The following SLC13A2 variants were observed in gnomAD, a reference collection of about 807,000 sequenced individuals.
SLC13A2 encodes solute carrier family 13 member 2.
Under a neutral mutation model 58.5 loss-of-function variants are expected in SLC13A2, and 40 were observed. That is an observed-to-expected ratio of 0.68 (90% CI 0.53 to 0.89). The LOEUF (loss-of-function observed/expected upper bound fraction) is 0.89, where lower values mean the gene tolerates loss of function less well. Among genes scored for constraint, SLC13A2 ranks in the 40% least tolerant of loss-of-function variants. The pLI, the probability that SLC13A2 is intolerant of heterozygous loss-of-function variation, is 0.00. For missense variants in SLC13A2, 694 were observed against 772.6 expected, an observed-to-expected ratio of 0.90 and a Z score of 1.21; for synonymous variants, 341 against 331.6, an observed-to-expected ratio of 1.03 and a Z score of -0.31.
In SLC13A2 at chr17:28,496,962, G is replaced by T; in HGVS notation, c.1609-137G>T. On this transcript the variant is annotated intron_variant, in intron 11 of 11. Transcript: ENST00000314669. The surrounding 1 kb of genome is among the most constrained non-coding windows in gnomAD (Gnocchi z 4.2). ...AAGGGGCAAAGGCATTGGCTATGCT[G>T]CAGGTTAGACCAACGGGAGGACTTC... The T allele has an allele frequency of 1.2e-6, 1 of 847,084 alleles. No individual in the cohort carries two copies. The allele number at this position is 847,084 out of a possible 1,614,324, so 52.5% of individuals were successfully genotyped here. A position where few individuals can be genotyped will look rare whatever the true frequency, so the allele number is the denominator to read the frequency against.
At chr17:28,475,038 A>C (rs2068647519) in intron 1 of SLC13A2, among the ~76,000 whole-genome samples, 2 of 152,218 alleles carry the variant, frequency 1.3e-5, no homozygotes, top group Non-Finnish European at 2.9e-5. Context: ...CCTTCATCTC[A>C]GGCCAAAGCC....
intron 1 of SLC13A2, among the ~76,000 whole-genome samples, chr17:28,479,921 G>A (rs377356703): frequency 1.3e-5 from 2 of 152,148 alleles, no homozygotes; most frequent in Non-Finnish European, 2.9e-5. Flanking sequence ...TTGGGAGGCC[G>A]AGGCAGGTGG....
chr17:28,489,093 T>C, intron 1 of SLC13A2, 121 bp from the exon 2 acceptor site: 5 of 1,142,870 alleles, frequency 4.4e-6, no homozygotes, highest in Non-Finnish European at 6.2e-6. Flanking sequence ...TCAATGACTG[T>C]GGGTTTCACA....
intron 1 of SLC13A2, among the ~76,000 whole-genome samples, chr17:28,488,873 C>A (rs549750614): frequency 6.6e-6 from 1 of 152,226 alleles, no homozygotes; most frequent in Non-Finnish European, 1.5e-5. Context: ...AGGTCCTGCT[C>A]CTTCTTCTGG....
At chr17:28,477,244 A>C (rs1199521502) in intron 1 of SLC13A2, among the ~76,000 whole-genome samples, 3 of 124,760 alleles carry the variant, frequency 2.4e-5, no homozygotes, top group South Asian at 2.9e-4. Context: ...CCCAGGCTGG[A>C]GTGCAGTGGC....
chr17:28,487,385 T>C (rs527903734), intron 1 of SLC13A2: 118 of 261,762 alleles, frequency 4.5e-4, no homozygotes, highest in Middle Eastern at 1.9e-3. Flanking sequence ...ATTTTTGAAA[T>C]GTATTTACTC....
At chr17:28,474,526 C>T (rs1555599559) in intron 1 of SLC13A2, among the ~76,000 whole-genome samples, 1 of 152,084 alleles carries the variant, frequency 6.6e-6, no homozygotes, top group Non-Finnish European at 1.5e-5. Flanking sequence ...TTTCCACCAT[C>T]TTAAGAGGTC....
chr17:28,477,193 GTT>G (rs1300546466), intron 1 of SLC13A2, among the ~76,000 whole-genome samples: 4 of 58,458 alleles, frequency 6.8e-5, no homozygotes, highest in Admixed American at 3.0e-4. Flanking sequence ...CAAGTTTTTT[GTT>G]TTTTTTTTTT....
intron 2 of SLC13A2, 151 bp downstream of exon 2, chr17:28,489,493 A>G: frequency 1.1e-6 from 1 of 917,630 alleles, no homozygotes. Flanking sequence ...AGTCAGCTAG[A>G]AGGCTGCGGG....
Position 28,495,764 on chromosome 17 carries a change from G to A in SLC13A2, c.1418G>A (p.Cys473Tyr). ...CTCCTGGTGGCCACCTTCACCGAGT[G>A]CACTAGCAACGTGGCCACCACTACG... ...LSLLVATFTE[C>Y]TSNVATTTIF... Residue 473 changes from cysteine (C) to tyrosine (Y), a missense_variant, in exon 10 of 12, where the codon TGC becomes TAC. Cys to Tyr is a radical substitution (Grantham distance 194). Transcript: ENST00000314669. 1 of 1,613,344 alleles carries A rather than the reference G, an allele frequency of 6.2e-7. No homozygotes were observed. The highest frequency in any genetic ancestry group is 1.1e-5 in the South Asian group (1 of 91,060).
chr17:28,493,853 G>A (rs1555604078), intron 7 of SLC13A2, 64 bp downstream of exon 7: 5 of 1,571,362 alleles, frequency 3.2e-6, no homozygotes, highest in Non-Finnish European at 4.4e-6. Context: ...AAGGAGGGAA[G>A]GGTATAGGGC....
Position 28,496,578 on chromosome 17 carries a change from G to T in SLC13A2, c.1599G>T (p.Val533=), listed in dbSNP as rs782766787. The T allele has an allele frequency of 6.2e-7, 1 of 1,612,236 alleles. No homozygotes were observed. ...AIVFSFGDLK[V]LDMARAGFLL... is the part of the protein sequence containing the mutation. The stretch of plus-strand genomic sequence containing the variant: ...TCTTCTCTTTCGGGGACCTCAAAGT[G>T]TTGGATATGGTAAGTGGCAGGGAGG... The change falls in exon 11 of 12, where the codon GTG becomes GTT. Residue 533 remains valine (V), a synonymous_variant. Transcript: ENST00000314669. The surrounding 1 kb of genome is among the most constrained non-coding windows in gnomAD (Gnocchi z 4.2).
chr17:28,494,027 G>A lies in SLC13A2; in HGVS notation c.1108G>A (p.Asp370Asn), dbSNP rs1555604132. 2.5e-6 allele frequency: 4 copies of A among 1,609,276 alleles called. No individual in the cohort carries two copies. Among genetic ancestry groups the A allele is most frequent in the East Asian group, 2.2e-5 (1 of 44,682 alleles). The change falls in exon 8 of 12, where the codon GAT (aspartate) becomes AAT (asparagine). Residue 370 changes from aspartate to asparagine, a missense_variant. Coordinates refer to ENST00000314669, the MANE Select transcript of SLC13A2 (RefSeq NM_003984.4). The surrounding 1 kb of genome is among the most constrained non-coding windows in gnomAD (Gnocchi z 4.0). ...PNAKGESMVSDGTVAIFIGII... is the reference protein window; with the variant it reads ...PNAKGESMVSNGTVAIFIGII... ...CCCCTCCACCAACAGCATGGTGTCC[G>A]ATGGGACAGTGGCCATCTTCATCGG...
chr17:28,489,620 C>T (rs1463493678), intron 2 of SLC13A2, among the ~76,000 whole-genome samples: 1 of 152,184 alleles, frequency 6.6e-6, no homozygotes, highest in African/African-American at 2.4e-5. Context: ...CCTTGAGGGC[C>T]AGCTAACACA....
intron 1 of SLC13A2, chr17:28,487,492 C>G (rs943715300): frequency 2.0e-5 from 19 of 968,022 alleles, no homozygotes; most frequent in Non-Finnish European, 2.3e-5. Context: ...TAGAATATGA[C>G]GCCTGGCACA....
rs889136787 is a variant in SLC13A2, at chr17:28,496,130, G to A, written c.1470+314G>A. On this transcript the variant is annotated intron_variant, in intron 10 of 11. Coordinates refer to ENST00000314669, the MANE Select transcript of SLC13A2 (RefSeq NM_003984.4). This position sits in a 1 kb window ranked among gnomAD's most constrained non-coding sequence, Gnocchi z 4.2. Reference sequence around the variant, plus strand: ...AGGTGACGGGGTGAAATTGCTCCCCGAAGCGTCCCAAGCCCCTTCCTCCCC... The same window carrying A: ...AGGTGACGGGGTGAAATTGCTCCCCAAAGCGTCCCAAGCCCCTTCCTCCCC... Among the ~76,000 whole-genome samples the A allele has an allele frequency of 7.9e-5, 12 of 152,006 alleles. No homozygotes were observed. Among genetic ancestry groups the A allele is most frequent in the African/African-American group, 1.4e-4 (6 of 41,388 alleles).
intron 1 of SLC13A2, among the ~76,000 whole-genome samples, chr17:28,477,193 GT>G (rs1300546466): frequency 1.1e-3 from 62 of 58,456 alleles, no homozygotes; most frequent in Middle Eastern, 9.3e-3. Flanking sequence ...CAAGTTTTTT[GT>G]TTTTTTTTTT....
Position 28,476,046 on chromosome 17 carries a change from C to G in SLC13A2, c.102+2232C>G, listed in dbSNP as rs147390727. ...CACTTTTCCACGTCCAAACCAAAAC[C>G]CTTCCTGCCCTTCTCCAGTTGGCTT... On this transcript the variant is annotated intron_variant, in intron 1 of 11. Transcript: ENST00000314669. Among the ~76,000 whole-genome samples, 63 of 152,260 alleles carry G rather than the reference C, an allele frequency of 4.1e-4. No homozygotes were observed. The East Asian group carries it at 0.011, about 27-fold the overall frequency.
intron 1 of SLC13A2, among the ~76,000 whole-genome samples, chr17:28,488,931 A>G (rs782533760): frequency 1.3e-5 from 2 of 152,190 alleles, no homozygotes; most frequent in Non-Finnish European, 2.9e-5. Flanking sequence ...CTGCAATCCC[A>G]CTGGGCTGGA....
Sources: allele counts gnomAD v4.1 joint callset (sites outside exome capture counted in the v4.1 genomes callset), GRCh38; gene constraint gnomAD v4.1.1; non-coding constraint Gnocchi (gnomAD v3.1); transcripts MANE v1.5; gene names NCBI Gene and HGNC (gene_info 2026-07-23, HGNC 2026-07-21).